Variants in SPEF2 observed in about 807,000 individuals in gnomAD.
SPEF2 encodes the protein sperm flagellar and cilia associated 2.
SPEF2 carries 187 observed loss-of-function variants against 224.6 expected under a neutral mutation model. The observed-to-expected ratio is 0.83, with a 90% CI of 0.74 to 0.94. The LOEUF (loss-of-function observed/expected upper bound fraction) is 0.94. Ranked by LOEUF, SPEF2 falls within the 40% of genes least tolerant of loss-of-function variation. The pLI is 0.00. For missense variants in SPEF2, 2,170 were observed against 2,135.6 expected (o/e 1.02, Z -0.32); for synonymous variants, 715 against 707.3 (o/e 1.01, Z -0.17).
At chr5:35,666,660 G>T (rs573686766) in intron 8 of SPEF2, among the ~76,000 whole-genome samples, 2 of 152,146 alleles carry the variant, frequency 1.3e-5, no homozygotes, top group Non-Finnish European at 1.5e-5. Flanking sequence ...TATAGCAGAT[G>T]TGTCAAAATT....
chr5:35,620,782 C>A (rs1392966664), intron 1 of SPEF2, among the ~76,000 whole-genome samples: 2 of 152,062 alleles, frequency 1.3e-5, no homozygotes. Flanking sequence ...AAAGTTAGAG[C>A]TTATTGTGAC....
chr5:35,789,969 TG>T, intron 30 of SPEF2: 1 of 701,826 alleles, frequency 1.4e-6, no homozygotes, highest in Non-Finnish European at 2.6e-6. Context: ...TATTTATAAA[TG>T]TTTGGGTAAA....
At chr5:35,748,492 T>C (rs1292128068) in intron 23 of SPEF2, among the ~76,000 whole-genome samples, 1 of 152,038 alleles carries the variant, frequency 6.6e-6, no homozygotes, top group Non-Finnish European at 1.5e-5. Flanking sequence ...ACAGGAGATA[T>C]TACAACTGAC....
chr5:35,704,740 T>A (rs1328934927), intron 17 of SPEF2, 78 bp downstream of exon 17: 2 of 830,194 alleles, frequency 2.4e-6, no homozygotes, highest in Non-Finnish European at 4.0e-6. Flanking sequence ...AATCATCAGA[T>A]CTAGAAGAAT....
Position 35,811,630 on chromosome 5 carries a change from T to C in SPEF2, c.5380-2834T>C, listed in dbSNP as rs565393092. ...TCACCTCATGGTGGGGGGGGTGGGG[T>C]TTGTACAAATTAAAGGAGATAATAC... On this transcript the variant is annotated intron_variant, in intron 36 of 36. Transcript: ENST00000356031. 2.3e-4 allele frequency among the ~76,000 whole-genome samples: 34 copies of C among 150,140 alleles called. 1 individual carries two copies. Among genetic ancestry groups the C allele is most frequent in the Non-Finnish European group, 7.4e-5 (5 of 67,728 alleles).
At chr5:35,808,408 C>G (rs906153818) in intron 36 of SPEF2, among the ~76,000 whole-genome samples, 1 of 152,038 alleles carries the variant, frequency 6.6e-6, no homozygotes, top group Non-Finnish European at 1.5e-5. Context: ...CCTTCCCCCA[C>G]CCCATGACAG....
intron 10 of SPEF2, among the ~76,000 whole-genome samples, chr5:35,676,745 G>A (rs1273037950): frequency 1.3e-5 from 2 of 151,828 alleles, no homozygotes; most frequent in African/African-American, 4.8e-5. Context: ...AAAAAAAAAT[G>A]TTTTAAAGCT....
chr5:35,759,838 G>C, intron 25 of SPEF2, 119 bp downstream of exon 25: 1 of 1,035,454 alleles, frequency 9.7e-7, no homozygotes, highest in South Asian at 2.9e-5. Context: ...ATCCAAAAAA[G>C]CTCTAATAAC....
chr5:35,691,074 T>C lies in SPEF2; in HGVS notation c.1562T>C (p.Val521Ala). The change falls in exon 11 of 37, where the codon GTT becomes GCT. Residue 521 changes from valine (V) to alanine (A), a missense_variant. Physicochemically the swap from Val to Ala is moderately conservative, Grantham distance 64. Transcript: ENST00000356031. ...GAGTGGGCCTTACCAGAAGAAATGG[T>C]TGACAATTTACCACCCTCCAACAAT... is the stretch of plus-strand genomic sequence containing the variant. ...VGEWALPEEM[V>A]DNLPPSNNCI... 3 of 1,614,048 alleles carry C rather than the reference T, an allele frequency of 1.9e-6. No individual in the cohort carries two copies. The highest frequency in any genetic ancestry group is 1.7e-6 in the Non-Finnish European group (2 of 1,179,958).
intron 30 of SPEF2, among the ~76,000 whole-genome samples, chr5:35,780,914 A>T (rs1754255136): frequency 6.6e-6 from 1 of 152,192 alleles, no homozygotes; most frequent in East Asian, 1.9e-4. Flanking sequence ...CATGATGCTA[A>T]TCATAATACT....
chr5:35,618,273 C>G (rs888904062), intron 1 of SPEF2, among the ~76,000 whole-genome samples: 7 of 152,146 alleles, frequency 4.6e-5, no homozygotes, highest in Admixed American at 2.0e-4. Flanking sequence ...CAGGGCAAGG[C>G]CTTGTCACGT....
intron 10 of SPEF2, 72 bp downstream of exon 10, chr5:35,670,299 T>G: frequency 6.7e-7 from 1 of 1,501,096 alleles, no homozygotes; most frequent in Non-Finnish European, 8.9e-7. Context: ...TTTTGTGATA[T>G]TCCTTATTTC....
intron 1 of SPEF2, among the ~76,000 whole-genome samples, chr5:35,622,291 C>G (rs1297366990): frequency 6.6e-6 from 1 of 151,968 alleles, no homozygotes; most frequent in East Asian, 1.9e-4. Context: ...ATTAATGACA[C>G]TTTGTTGATT....
intron 14 of SPEF2, among the ~76,000 whole-genome samples, chr5:35,696,169 G>A (rs1435516706): frequency 6.6e-6 from 1 of 152,032 alleles, no homozygotes; most frequent in Non-Finnish European, 1.5e-5. Flanking sequence ...TGACTCTTCA[G>A]AATTTGTTTA....
chr5:35,705,681 A>G lies in SPEF2; in HGVS notation c.2538A>G (p.Leu846=), dbSNP rs1314075859. ...RIIGFLDNWP[L]LEQWFSEPEN... ...TAGGCTTCTTGGACAACTGGCCTTT[A>G]TTGGAGCAATGGTTTTCAGAGCCAG... is the stretch of plus-strand genomic sequence containing the variant. Residue 846 remains leucine, a synonymous_variant, in exon 18 of 37, where the codon TTA becomes TTG. Transcript: ENST00000356031. 1 of 1,591,046 alleles carries G rather than the reference A, an allele frequency of 6.3e-7. No individual in the cohort carries two copies. Among genetic ancestry groups the G allele is most frequent in the Non-Finnish European group, 8.5e-7 (1 of 1,173,322 alleles).
intron 26 of SPEF2, chr5:35,764,758 C>G (rs560222707): frequency 5.3e-5 from 24 of 455,940 alleles, no homozygotes; most frequent in African/African-American, 4.8e-4. Flanking sequence ...CTTCAGGCTT[C>G]TTTTTCTCTG....
chr5:35,742,530 A>G (rs1271329381), intron 23 of SPEF2, among the ~76,000 whole-genome samples: 1 of 152,010 alleles, frequency 6.6e-6, no homozygotes, highest in East Asian at 1.9e-4. Flanking sequence ...TATATCAAAT[A>G]TTAGATTCTT....
chr5:35,766,978 A>G (rs1752173641), intron 26 of SPEF2, among the ~76,000 whole-genome samples: 1 of 151,928 alleles, frequency 6.6e-6, no homozygotes, highest in African/African-American at 2.4e-5. Context: ...TTGAAGTGTT[A>G]CATGTGTACT....
intron 23 of SPEF2, among the ~76,000 whole-genome samples, chr5:35,748,072 G>A (rs893456732): frequency 2.0e-5 from 3 of 152,076 alleles, no homozygotes; most frequent in South Asian, 2.1e-4. Context: ...TAAATAACCT[G>A]CTCCTGAATA....
Sources: allele counts gnomAD v4.1 joint callset (sites outside exome capture counted in the v4.1 genomes callset), GRCh38; gene constraint gnomAD v4.1.1; transcripts MANE v1.5; gene names NCBI Gene and HGNC (gene_info 2026-07-23, HGNC 2026-07-21).